PDZRN4: variants seen among roughly 807,000 people sequenced by gnomAD.
PDZRN4 encodes the protein PDZ domain-containing RING finger protein 4.
PDZRN4 carries 70 observed loss-of-function variants against 99.0 expected under a neutral mutation model. The ratio of observed to expected loss-of-function variants is 0.71; its 90% CI spans 0.58 to 0.86. The LOEUF is 0.86. Among genes scored for constraint, PDZRN4 ranks in the 40% least tolerant of loss-of-function variants. The pLI is 0.00. For missense variants in PDZRN4, 1,474 were observed against 1,331.2 expected, an observed-to-expected ratio of 1.11 and a Z score of -1.67; for synonymous variants, 551 against 501.6, an observed-to-expected ratio of 1.10 and a Z score of -1.32.
chr12:41,303,784 C>T (rs1315848643), intron 3 of PDZRN4, among the ~76,000 whole-genome samples: 1 of 152,170 alleles, frequency 6.6e-6, no homozygotes, highest in Non-Finnish European at 1.5e-5. Flanking sequence ...CTTTTTCAGA[C>T]TGGCTAAAAT....
intron 3 of PDZRN4, among the ~76,000 whole-genome samples, chr12:41,435,430 T>G (rs937335128): frequency 6.6e-6 from 1 of 152,196 alleles, no homozygotes; most frequent in Non-Finnish European, 1.5e-5. Flanking sequence ...AACATTTTCA[T>G]TGATAGAAGG....
chr12:41,249,647 T>C (rs1013380632), intron 3 of PDZRN4, among the ~76,000 whole-genome samples: 3 of 152,206 alleles, frequency 2.0e-5, no homozygotes, highest in African/African-American at 4.8e-5. Context: ...CTCAATTATT[T>C]AAGAAGCATA....
At chr12:41,423,355 C>A (rs1952507579) in intron 3 of PDZRN4, among the ~76,000 whole-genome samples, 1 of 152,002 alleles carries the variant, frequency 6.6e-6, no homozygotes, top group South Asian at 2.1e-4. Flanking sequence ...TCCATGTATT[C>A]TCATTGTTTA....
At chr12:41,337,947 T>A (rs1317540) in intron 3 of PDZRN4, among the ~76,000 whole-genome samples, 54,435 of 151,870 alleles carry the variant, frequency 0.36, 9,849 homozygotes, top group Non-Finnish European at 0.39. Context: ...TTTTAAGAGA[T>A]GGAGTCTTAC....
intron 3 of PDZRN4, among the ~76,000 whole-genome samples, chr12:41,310,321 A>G (rs1380200878): frequency 6.6e-6 from 1 of 152,016 alleles, no homozygotes; most frequent in African/African-American, 2.4e-5. Context: ...CACATTATCA[A>G]TGTCCATTGG....
At chr12:41,227,037 T>G (rs536872790) in intron 3 of PDZRN4, among the ~76,000 whole-genome samples, 2 of 152,160 alleles carry the variant, frequency 1.3e-5, no homozygotes, top group Non-Finnish European at 2.9e-5. Flanking sequence ...GGATAACTTT[T>G]CCCTATCCAA....
intron 3 of PDZRN4, among the ~76,000 whole-genome samples, chr12:41,268,668 A>G (rs12300840): frequency 0.12 from 18,385 of 152,250 alleles, 1,948 homozygotes; most frequent in African/African-American, 0.28. Flanking sequence ...AGGAAATCAC[A>G]TCATAATTTC....
chr12:41,200,200 A>G (rs1162354106), intron 3 of PDZRN4, among the ~76,000 whole-genome samples: 1 of 152,056 alleles, frequency 6.6e-6, no homozygotes, highest in Admixed American at 6.6e-5. Context: ...AGCTTCAGGA[A>G]AGGATGCAGG....
At chr12:41,493,133 A>G (rs1937921922) in intron 3 of PDZRN4, among the ~76,000 whole-genome samples, 1 of 152,184 alleles carries the variant, frequency 6.6e-6, no homozygotes, top group Admixed American at 6.6e-5. Context: ...AAAAGCCACA[A>G]GTTAGCTGCA....
At chr12:41,296,883 A>G (rs934093110) in intron 3 of PDZRN4, among the ~76,000 whole-genome samples, 3 of 152,118 alleles carry the variant, frequency 2.0e-5, no homozygotes, top group African/African-American at 7.2e-5. Flanking sequence ...ACTTGAGCCC[A>G]GGAGGTTGAC....
At chr12:41,325,230 C>T (rs1951702074) in intron 3 of PDZRN4, among the ~76,000 whole-genome samples, 1 of 151,952 alleles carries the variant, frequency 6.6e-6, no homozygotes, top group African/African-American at 2.4e-5. Context: ...TGTGATAATT[C>T]AGTGGCATTT....
intron 3 of PDZRN4, among the ~76,000 whole-genome samples, chr12:41,462,817 T>C (rs2730824): frequency 0.54 from 81,462 of 151,854 alleles, 22,835 homozygotes; most frequent in African/African-American, 0.72. Context: ...ATAAAAAACA[T>C]AAGAATTATG....
chr12:41,200,812 C>T (rs1304629548), intron 3 of PDZRN4, among the ~76,000 whole-genome samples: 1 of 151,978 alleles, frequency 6.6e-6, no homozygotes, highest in Admixed American at 6.6e-5. Flanking sequence ...TTTCTTATTC[C>T]CCTGCAACAT....
chr12:41,436,231 C>G (rs998928995), intron 3 of PDZRN4, among the ~76,000 whole-genome samples: 1 of 152,120 alleles, frequency 6.6e-6, no homozygotes, highest in African/African-American at 2.4e-5. Context: ...TGGCTTTCAT[C>G]CAGGCTGTTA....
At chr12:41,374,862 A>G (rs192047778) in intron 3 of PDZRN4, among the ~76,000 whole-genome samples, 123 of 152,356 alleles carry the variant, frequency 8.1e-4, no homozygotes, top group Admixed American at 2.0e-3. Context: ...AGAATGGGCT[A>G]GACCTAGTGA....
intron 3 of PDZRN4, among the ~76,000 whole-genome samples, chr12:41,342,815 A>G (rs1951827607): frequency 6.6e-6 from 1 of 151,878 alleles, no homozygotes; most frequent in South Asian, 2.1e-4. Flanking sequence ...TCAAAAAATT[A>G]TAAAATAGAA....
chr12:41,459,940 C>T, intron 3 of PDZRN4: 1 of 1,265,272 alleles, frequency 7.9e-7, no homozygotes, highest in Non-Finnish European at 1.0e-6. Context: ...AAAAAATGAC[C>T]TTTGTTTCAG....
intron 5 of PDZRN4, among the ~76,000 whole-genome samples, chr12:41,551,836 C>T (rs190115049): frequency 2.6e-5 from 4 of 152,242 alleles, no homozygotes; most frequent in Admixed American, 6.5e-5. Flanking sequence ...CTGAAGTCAT[C>T]GGCTTCTGAA....
At chr12:41,321,979 C>G (rs1029351727) in intron 3 of PDZRN4, among the ~76,000 whole-genome samples, 2 of 152,132 alleles carry the variant, frequency 1.3e-5, no homozygotes, top group African/African-American at 4.8e-5. Flanking sequence ...ATATTTAAAA[C>G]TGGTTCTTAA....
Sources: allele counts gnomAD v4.1 joint callset (sites outside exome capture counted in the v4.1 genomes callset), GRCh38; gene constraint gnomAD v4.1.1; transcripts MANE v1.5; gene names NCBI Gene and HGNC (gene_info 2026-07-23, HGNC 2026-07-21).